TTC7A: variants seen among roughly 807,000 people sequenced by gnomAD.
The protein encoded by TTC7A is tetratricopeptide repeat protein 7A.
In TTC7A, 110 loss-of-function variants were observed where a neutral mutation model predicts 103.7. That is an observed-to-expected ratio of 1.06 (90% confidence interval 0.91 to 1.24). TTC7A has a LOEUF of 1.24. TTC7A is among the 50% of genes most tolerant of loss of function. The probability of loss-of-function intolerance (pLI) is 0.00; values close to 1 mark genes in which losing one functional copy is unlikely to be tolerated. For synonymous variants in TTC7A, 521 were observed against 467.9 expected (o/e 1.11, Z -1.47); for missense variants, 1,340 against 1,116.3 (o/e 1.20, Z -2.86).
intron 3 of TTC7A, chr2:46,974,551 G>A (rs1443604125): frequency 7.1e-6 from 3 of 420,188 alleles, no homozygotes; most frequent in African/African-American, 2.0e-5. Flanking sequence ...TGTGTAGGGA[G>A]TGTCTGGTGA....
Position 46,951,607 on chromosome 2 carries a change from C to T in TTC7A, c.348+1081C>T, listed in dbSNP as rs186751241. 452 of 455,124 alleles carry T rather than the reference C, an allele frequency of 9.9e-4. 5 individuals are homozygous for T. Among genetic ancestry groups the T allele is most frequent in the African/African-American group, 8.2e-3 (411 of 49,928 alleles). The allele number at this position is 455,124 out of a possible 1,614,324, so 28.2% of individuals were successfully genotyped here. ...TCTGTCTTTATTTTCTTCAGGGTCT[C>T]GCTGTGTTACTCAGGCTGGTCTCCA... On this transcript the variant is annotated intron_variant, in intron 2 of 19. Coordinates refer to ENST00000319190, the MANE Select transcript of TTC7A (RefSeq NM_020458.4).
intron 15 of TTC7A, among the ~76,000 whole-genome samples, chr2:47,036,876 G>A (rs373487603): frequency 1.3e-5 from 2 of 152,284 alleles, no homozygotes; most frequent in South Asian, 4.1e-4. Flanking sequence ...AGCATGTGTT[G>A]GATTTAACAT....
At chr2:47,050,404 G>A (rs745326690) in intron 17 of TTC7A, 7 of 225,812 alleles carry the variant, frequency 3.1e-5, no homozygotes, top group Non-Finnish European at 6.2e-5. Context: ...GAAAGGAATG[G>A]ACTGAGCTCT....
chr2:46,958,676 C>G, intron 3 of TTC7A: 1 of 604,094 alleles, frequency 1.7e-6, no homozygotes, highest in Non-Finnish European at 2.5e-6. Context: ...CCTCCCTGTC[C>G]TGCTGCAGTG....
chr2:47,047,313 G>GT, intron 16 of TTC7A: 2 of 1,549,684 alleles, frequency 1.3e-6, no homozygotes, highest in Non-Finnish European at 1.7e-6. Flanking sequence ...AGGAACATCT[G>GT]TAACAGTGAA....
In TTC7A at chr2:47,046,366, A is replaced by C. The variant is rs758545537; in HGVS notation, c.1854A>C (p.Glu618Asp). Residue 618 changes from glutamate (E) to aspartate (D), a missense_variant, in exon 16 of 20, where the codon GAA (glutamate) becomes GAC (aspartate). Transcript: ENST00000319190. ...AGCAGGTGCTGAAAGGCCCAGAGGAAGCCCTCGTGACCTGCAGACAAGTGC... is the reference window on the plus strand; with the variant it reads ...AGCAGGTGCTGAAAGGCCCAGAGGACGCCCTCGTGACCTGCAGACAAGTGC... Reference protein sequence around the residue: ...KLEQVLKGPEEALVTCRQVLR... With the variant: ...KLEQVLKGPEDALVTCRQVLR... The C allele has an allele frequency of 6.2e-7, 1 of 1,614,202 alleles. No individual in the cohort carries two copies. Among genetic ancestry groups the C allele is most frequent in the South Asian group, 1.1e-5 (1 of 91,078 alleles).
At chr2:46,956,548 G>A (rs1671867915) in intron 2 of TTC7A, 2 of 369,108 alleles carry the variant, frequency 5.4e-6, no homozygotes, top group Non-Finnish European at 1.0e-5. Flanking sequence ...GGAGAGGGAA[G>A]ACAGGGCCTA....
chr2:47,006,978 T>C (rs1470763195), intron 10 of TTC7A, among the ~76,000 whole-genome samples: 4 of 152,192 alleles, frequency 2.6e-5, no homozygotes, highest in African/African-American at 9.7e-5. Flanking sequence ...CGTACATGCA[T>C]GGGAGCACTG....
chr2:47,052,013 G>C, intron 18 of TTC7A, 133 bp downstream of exon 18: 1 of 1,183,148 alleles, frequency 8.5e-7, no homozygotes, highest in Admixed American at 2.7e-5. Flanking sequence ...CAGAGTCCTC[G>C]CCTCTGGCTG....
chr2:47,037,365 G>A (rs1471250329), intron 15 of TTC7A, among the ~76,000 whole-genome samples: 1 of 152,176 alleles, frequency 6.6e-6, no homozygotes, highest in Non-Finnish European at 1.5e-5. Context: ...GAGCTGTTTT[G>A]TTTTTTGGAA....
chr2:46,957,797 T>C (rs1672014677), intron 3 of TTC7A, among the ~76,000 whole-genome samples: 1 of 152,186 alleles, frequency 6.6e-6, no homozygotes, highest in South Asian at 2.1e-4. Context: ...CAGCCTGCTG[T>C]CCGGAATCTT....
intron 3 of TTC7A, among the ~76,000 whole-genome samples, chr2:46,972,093 T>C (rs1673413505): frequency 2.0e-5 from 3 of 152,138 alleles, no homozygotes; most frequent in Admixed American, 1.3e-4. Context: ...ATCTAGGTAC[T>C]CCGTCTCTTT....
chr2:46,950,587 T>C, intron 2 of TTC7A, 61 bp downstream of exon 2: 1 of 1,560,746 alleles, frequency 6.4e-7, no homozygotes, highest in Non-Finnish European at 8.7e-7. Flanking sequence ...CTCGCATCTG[T>C]CCAGTCCTCC....
chr2:47,051,722 G>A (rs777644317), intron 17 of TTC7A, 24 bp from the exon 18 acceptor site: 13 of 1,600,460 alleles, frequency 8.1e-6, no homozygotes, highest in Middle Eastern at 2.3e-4. Context: ...ACCACTGCTC[G>A]GCTCGTGCCC....
chr2:47,009,972 A>C (rs557392591), intron 10 of TTC7A, among the ~76,000 whole-genome samples: 1 of 150,674 alleles, frequency 6.6e-6, no homozygotes, highest in Non-Finnish European at 1.5e-5. Context: ...GGTGCTTATC[A>C]TAGAGGCAGT....
chr2:46,955,180 A>G (rs990632820), intron 2 of TTC7A, among the ~76,000 whole-genome samples: 3 of 151,130 alleles, frequency 2.0e-5, no homozygotes, highest in Non-Finnish European at 4.4e-5. Flanking sequence ...AGTGAGGAGT[A>G]GGTGTTATTA....
chr2:47,017,945 T>C (rs1678849700), intron 11 of TTC7A, among the ~76,000 whole-genome samples: 1 of 152,124 alleles, frequency 6.6e-6, no homozygotes, highest in Non-Finnish European at 1.5e-5. Flanking sequence ...GATATATATA[T>C]ATTAGTATAT....
intron 8 of TTC7A, among the ~76,000 whole-genome samples, chr2:46,995,924 G>C (rs1334728871): frequency 6.6e-6 from 1 of 152,262 alleles, no homozygotes; most frequent in East Asian, 1.9e-4. Flanking sequence ...TATGGGAAAA[G>C]AACACAGAGG....
intron 15 of TTC7A, among the ~76,000 whole-genome samples, chr2:47,038,873 C>T (rs552924511): frequency 3.9e-5 from 6 of 152,070 alleles, no homozygotes; most frequent in East Asian, 3.9e-4. Flanking sequence ...TTTCCTCTTC[C>T]GTTCTTCAGC....
Sources: gnomAD v4.1 joint callset for allele counts (sites outside exome capture counted in the v4.1 genomes callset) on GRCh38, gnomAD v4.1.1 for gene constraint, MANE v1.5 for transcripts, NCBI Gene and HGNC (gene_info 2026-07-23, HGNC 2026-07-21) for gene names.